Variants in RBPJ observed in about 807,000 individuals in gnomAD.
RBPJ encodes the protein recombining binding protein suppressor of hairless.
In RBPJ, 9 loss-of-function variants were observed where a neutral mutation model predicts 67.8. The observed-to-expected ratio is 0.13, with a 90% CI of 0.08 to 0.23. The LOEUF (loss-of-function observed/expected upper bound fraction) is 0.23. RBPJ is among the 10% of genes least tolerant of loss of function. The probability of loss-of-function intolerance (pLI) is 1.00; values close to 1 mark genes in which losing one functional copy is unlikely to be tolerated. For synonymous variants in RBPJ, 198 were observed against 203.3 expected (o/e 0.97, Z 0.22); for missense variants, 305 against 595.6 (o/e 0.51, Z 5.08).
intron 1 of RBPJ, among the ~76,000 whole-genome samples, chr4:26,177,843 A>G (rs1716850280): frequency 6.6e-6 from 1 of 152,194 alleles, no homozygotes; most frequent in Non-Finnish European, 1.5e-5. Context: ...CTCTCCTAAA[A>G]TTGTAGTATA....
the RBPJ span, among the ~76,000 whole-genome samples, chr4:26,118,226 G>A: frequency 4.6e-5 from 7 of 152,188 alleles, no homozygotes; most frequent in African/African-American, 1.7e-4. Context: ...TAGAGATTCA[G>A]TCCTGCTCTG....
intron 1 of RBPJ, among the ~76,000 whole-genome samples, chr4:26,184,715 G>A (rs898526827): frequency 5.3e-5 from 8 of 152,204 alleles, no homozygotes; most frequent in African/African-American, 1.9e-4. Context: ...TGTGGGGACT[G>A]GCTCAGAGCT....
the RBPJ span, chr4:26,113,489 T>C: frequency 1.8e-6 from 1 of 555,348 alleles, no homozygotes; most frequent in Admixed American, 2.0e-5. Context: ...AGAAAAGCCC[T>C]ATGACTGTAA....
the RBPJ span, among the ~76,000 whole-genome samples, chr4:26,109,978 C>A: frequency 1.3e-5 from 2 of 152,046 alleles, no homozygotes; most frequent in African/African-American, 4.8e-5. Flanking sequence ...ATAGCTTTCT[C>A]CGTCATTCTT....
At chr4:26,357,991 T>C (rs1297175163) in intron 1 of RBPJ, among the ~76,000 whole-genome samples, 1 of 150,846 alleles carries the variant, frequency 6.6e-6, no homozygotes, top group African/African-American at 2.4e-5. Flanking sequence ...TATGCTCGGG[T>C]GTTTTTTGTA....
chr4:26,142,040 A>G, the RBPJ span, among the ~76,000 whole-genome samples: 13 of 151,936 alleles, frequency 8.6e-5, no homozygotes, highest in Non-Finnish European at 1.8e-4. Flanking sequence ...GTTCTGTTTC[A>G]CGATGTTCCT....
chr4:26,262,236 T>G (rs1263110648), intron 1 of RBPJ, among the ~76,000 whole-genome samples: 1 of 151,870 alleles, frequency 6.6e-6, no homozygotes, highest in Non-Finnish European at 1.5e-5. Context: ...TGAGCCACCA[T>G]GTACAGCCTA....
chr4:26,351,067 G>GTTATATATTATATATTATATACA lies in RBPJ; in HGVS notation c.20+30023_20+30045dup, dbSNP rs1560285992. On this transcript the variant is annotated intron_variant, in intron 1 of 10. Transcript: ENST00000355476. Reference sequence around the variant, plus strand: ...AATAATGGAACACTATATTATATACGTTATATATTATATATTATATACATT... The same window carrying GTTATATATTATATATTATATACA: ...AATAATGGAACACTATATTATATACGTTATATATTATATATTATATACATTATATATTATATATTATATACATT... Among the ~76,000 whole-genome samples the GTTATATATTATATATTATATACA allele has an allele frequency of 2.6e-5, 4 of 151,654 alleles. No homozygotes were observed. In the South Asian group the frequency reaches 8.3e-4, roughly 32 times the overall value.
intron 3 of RBPJ, among the ~76,000 whole-genome samples, chr4:26,414,717 A>G (rs1201498452): frequency 1.3e-5 from 2 of 152,260 alleles, no homozygotes; most frequent in African/African-American, 4.8e-5. Flanking sequence ...TAATTGCTAA[A>G]TAAAAGATTA....
intron 1 of RBPJ, among the ~76,000 whole-genome samples, chr4:26,296,470 G>T (rs984177094): frequency 1.3e-5 from 2 of 152,208 alleles, no homozygotes; most frequent in Middle Eastern, 3.4e-3. Context: ...CAATCAAATG[G>T]TTTAGCAAAG....
At chr4:26,166,639 T>C (rs1486282829) in intron 1 of RBPJ, among the ~76,000 whole-genome samples, 2 of 152,100 alleles carry the variant, frequency 1.3e-5, no homozygotes, top group Non-Finnish European at 2.9e-5. Flanking sequence ...GATGAGTAGG[T>C]TGCGAAAATG....
chr4:26,153,838 C>T, the RBPJ span, among the ~76,000 whole-genome samples: 1 of 152,090 alleles, frequency 6.6e-6, no homozygotes, highest in Non-Finnish European at 1.5e-5. Context: ...ACCTGTGCAT[C>T]GTGTGAGACT....
intron 1 of RBPJ, among the ~76,000 whole-genome samples, chr4:26,183,173 G>A (rs1717077871): frequency 1.3e-5 from 2 of 152,212 alleles, no homozygotes; most frequent in Admixed American, 1.3e-4. Flanking sequence ...GACTGGCAGA[G>A]CAGAAAGTGT....
At chr4:26,151,466 A>G in the RBPJ span, among the ~76,000 whole-genome samples, 3 of 152,226 alleles carry the variant, frequency 2.0e-5, no homozygotes, top group South Asian at 6.2e-4. Context: ...ATCCTGTCCT[A>G]TTTTTGTTAG....
chr4:26,286,790 T>C (rs74816783), intron 1 of RBPJ, among the ~76,000 whole-genome samples: 1 of 64,674 alleles, frequency 1.5e-5, no homozygotes, highest in South Asian at 5.3e-4. Flanking sequence ...TAAAACCTCT[T>C]TTTTTTTTTT....
At chr4:26,183,605 T>G (rs1402400179) in intron 1 of RBPJ, among the ~76,000 whole-genome samples, 5 of 152,204 alleles carry the variant, frequency 3.3e-5, no homozygotes, top group African/African-American at 1.2e-4. Context: ...ATGGAGGTGT[T>G]GGGAAATTTT....
chr4:26,115,544 C>G, the RBPJ span, among the ~76,000 whole-genome samples: 1 of 152,154 alleles, frequency 6.6e-6, no homozygotes, highest in African/African-American at 2.4e-5. Flanking sequence ...GTCACCACGT[C>G]CAGCTAATTT....
chr4:26,270,495 A>G lies in RBPJ; in HGVS notation c.-166-91951A>G, dbSNP rs112863723. Among the ~76,000 whole-genome samples, 176 of 150,954 alleles carry G rather than the reference A, an allele frequency of 1.2e-3. 3 individuals are homozygous for G. The highest frequency in any genetic ancestry group is 4.2e-3 in the African/African-American group (172 of 40,728). The stretch of plus-strand genomic sequence containing the variant: ...AGAAAGATGAAAGGAGGGAGGAAGG[A>G]AGGAAGGAAGGAAGGAGAAATCGGT... On this transcript the variant is annotated intron_variant, in intron 1 of 4. Coordinates refer to the RBPJ transcript ENST00000512351.
chr4:26,192,490 C>T (rs1455429686), intron 1 of RBPJ, among the ~76,000 whole-genome samples: 4 of 152,172 alleles, frequency 2.6e-5, no homozygotes, highest in Non-Finnish European at 4.4e-5. Flanking sequence ...AAGGATTATG[C>T]AATACCCACT....
Sources: allele counts gnomAD v4.1 joint callset (sites outside exome capture counted in the v4.1 genomes callset), GRCh38; gene constraint gnomAD v4.1.1; transcripts MANE v1.5; gene names NCBI Gene and HGNC (gene_info 2026-07-23, HGNC 2026-07-21).